The following CFH variants were observed in gnomAD, a reference collection of about 807,000 sequenced individuals.
CFH encodes the protein complement factor H.
In CFH, 53 loss-of-function variants were observed where a neutral mutation model predicts 147.3. That is an observed-to-expected ratio of 0.36 (90% CI 0.29 to 0.45). The LOEUF (loss-of-function observed/expected upper bound fraction) is 0.45, where lower values mean the gene tolerates loss of function less well. Ranked by LOEUF, CFH falls within the 20% of genes least tolerant of loss-of-function variation. The probability of loss-of-function intolerance (pLI) is 1.00; values close to 1 mark genes in which losing one functional copy is unlikely to be tolerated. For missense variants in CFH, 1,380 were observed against 1,498.0 expected (o/e 0.92, Z 1.30); for synonymous variants, 536 against 489.4 (o/e 1.10, Z -1.26).
chr1:196,687,651 C>T (rs1025296248), intron 7 of CFH, among the ~76,000 whole-genome samples: 1 of 151,970 alleles, frequency 6.6e-6, no homozygotes, highest in East Asian at 1.9e-4. Flanking sequence ...AAGACTCAAG[C>T]TTTCCCAATG....
intron 2 of CFH, 135 bp from the exon 3 acceptor site, chr1:196,673,722 G>T: frequency 1.5e-6 from 1 of 688,318 alleles, no homozygotes; most frequent in Non-Finnish European, 2.6e-6. Flanking sequence ...TGAAATAATG[G>T]CTTTGCTATG....
chr1:196,663,943 C>T (rs1483827204), intron 1 of CFH, among the ~76,000 whole-genome samples: 1 of 152,122 alleles, frequency 6.6e-6, no homozygotes, highest in Non-Finnish European at 1.5e-5. Flanking sequence ...AATTGGCTGC[C>T]TGTTTTCCTT....
chr1:196,670,343 AG>A (rs1304411687), intron 1 of CFH, among the ~76,000 whole-genome samples: 1 of 152,098 alleles, frequency 6.6e-6, no homozygotes. Flanking sequence ...GGGAAAGGCA[AG>A]GGGCAGAATA....
intron 9 of CFH, among the ~76,000 whole-genome samples, chr1:196,710,064 ACAC>A (rs1668689518): frequency 2.6e-5 from 4 of 151,988 alleles, no homozygotes; most frequent in Non-Finnish European, 5.9e-5. Context: ...ACACAGACAC[ACAC>A]ATCAGCTGGT....
chr1:196,679,576 C>G, intron 5 of CFH, 47 bp from the exon 6 acceptor site: 1 of 1,367,162 alleles, frequency 7.3e-7, no homozygotes, highest in Non-Finnish European at 1.0e-6. Flanking sequence ...TGGTCACAGT[C>G]CTTTAATTTG....
intron 3 of CFH, among the ~76,000 whole-genome samples, chr1:196,674,695 A>AT (rs1291676305): frequency 3.3e-5 from 5 of 152,160 alleles, no homozygotes; most frequent in Non-Finnish European, 7.4e-5. Flanking sequence ...TTATTTCCCC[A>AT]TTTTTTCCTT....
At chr1:196,708,161 A>C (rs1018532854) in intron 9 of CFH, among the ~76,000 whole-genome samples, 3 of 152,210 alleles carry the variant, frequency 2.0e-5, no homozygotes, top group African/African-American at 7.2e-5. Context: ...CAGGCATAGC[A>C]ACACTGTAGT....
chr1:196,729,820 C>T (rs1335475595), intron 15 of CFH, among the ~76,000 whole-genome samples: 3 of 151,904 alleles, frequency 2.0e-5, no homozygotes, highest in South Asian at 4.1e-4. Context: ...TCGTCGTAGG[C>T]TGTGTGTCTA....
At chr1:196,688,795 G>A (rs993398262) in intron 7 of CFH, among the ~76,000 whole-genome samples, 1 of 151,974 alleles carries the variant, frequency 6.6e-6, no homozygotes, top group Non-Finnish European at 1.5e-5. Context: ...TGTATTTTTA[G>A]TAGAGACGGA....
intron 3 of CFH, among the ~76,000 whole-genome samples, chr1:196,674,406 T>G (rs1258899500): frequency 6.6e-6 from 1 of 152,124 alleles, no homozygotes; most frequent in Non-Finnish European, 1.5e-5. Context: ...ACAACTAAGG[T>G]TACTTAATGT....
chr1:196,675,620 A>G (rs796679717), intron 3 of CFH, among the ~76,000 whole-genome samples: 5 of 152,280 alleles, frequency 3.3e-5, no homozygotes, highest in African/African-American at 1.2e-4. Context: ...TAATTAGATA[A>G]TTCAATGAAA....
intron 11 of CFH, among the ~76,000 whole-genome samples, chr1:196,719,433 G>C (rs1668946827): frequency 6.6e-6 from 1 of 151,866 alleles, no homozygotes; most frequent in Non-Finnish European, 1.5e-5. Flanking sequence ...ATTCAAGTGT[G>C]ATTTTCTCAA....
At position 196,697,982 on chromosome 1, in the gene CFH, C is replaced by G. The variant is rs1159217208; in HGVS notation, c.1336+7743C>G. Among the ~76,000 whole-genome samples the G allele has an allele frequency of 2.4e-5, 3 of 123,972 alleles. No homozygotes were observed. The East Asian group carries it at 7.1e-4, about 29-fold the overall frequency. 81.3% of individuals were successfully genotyped at this position (123,972 alleles called of 152,430 possible). ...GAACACATGGACACAGGAAGGGGAA[C>G]ATCACACACCGGGGCCTGTTGTGGG... On this transcript the variant is annotated intron_variant, in intron 9 of 21. Coordinates refer to ENST00000367429, the MANE Select transcript of CFH (RefSeq NM_000186.4).
intron 15 of CFH, 46 bp from the exon 16 acceptor site, chr1:196,736,778 T>C: frequency 1.0e-6 from 1 of 970,970 alleles, no homozygotes. Flanking sequence ...TATTTTTATT[T>C]TTTATTTTTT....
At chr1:196,680,280 C>G (rs866744990) in intron 6 of CFH, among the ~76,000 whole-genome samples, 2 of 148,314 alleles carry the variant, frequency 1.3e-5, no homozygotes, top group South Asian at 2.1e-4. Flanking sequence ...CCCAGTATGA[C>G]TCAACGGTGA....
At position 196,725,141 on chromosome 1, in the gene CFH, A is replaced by G; in HGVS notation, c.1717A>G (p.Lys573Glu). Residue 573 changes from lysine (K) to glutamate (E), a missense_variant, in exon 12 of 22, where the codon AAA (lysine) becomes GAA (glutamate). Transcript: ENST00000367429. ...TCAAGAAAGAGAATGCGAACTTCCT[A>G]AAATAGATGTACACTTAGTTCCTGA... ...ICYERECELPKIDVHLVPDRK... is the reference protein window; with the variant it reads ...ICYERECELPEIDVHLVPDRK... 1.2e-6 allele frequency: 2 copies of G among 1,613,436 alleles called. No individual in the cohort carries two copies. The highest frequency in any genetic ancestry group is 1.7e-6 in the Non-Finnish European group (2 of 1,179,584).
chr1:196,658,407 A>ATTTTTTTTTTTTTTTTTTTTTTTTTT lies in CFH; in HGVS notation c.58+6254_58+6255insTTTTTTTTTTTTTTTTTTTTTTTTTT, dbSNP rs549213437. On this transcript the variant is annotated intron_variant, in intron 1 of 21. Coordinates refer to ENST00000367429, the MANE Select transcript of CFH (RefSeq NM_000186.4). Reference sequence around the variant, plus strand: ...GGATTACAGCCACCTTGCTCAGGTAATTTTTTTTTTTTTTTTTTTTTTGAG... The same window carrying ATTTTTTTTTTTTTTTTTTTTTTTTTT: ...GGATTACAGCCACCTTGCTCAGGTAATTTTTTTTTTTTTTTTTTTTTTTTTTTTTTTTTTTTTTTTTTTTTTTTGAG... Among the ~76,000 whole-genome samples, 17 of 92,254 alleles carry ATTTTTTTTTTTTTTTTTTTTTTTTTT rather than the reference A, an allele frequency of 1.8e-4. 1 individual carries two copies. Among genetic ancestry groups the ATTTTTTTTTTTTTTTTTTTTTTTTTT allele is most frequent in the African/African-American group, 5.2e-4 (10 of 19,104 alleles). The allele number at this position is 92,254 out of a possible 152,430, so 60.5% of individuals were successfully genotyped here.
intron 20 of CFH, among the ~76,000 whole-genome samples, chr1:196,745,023 G>A (rs780415274): frequency 5.9e-5 from 9 of 152,104 alleles, no homozygotes; most frequent in Non-Finnish European, 1.2e-4. Flanking sequence ...GGTTATAGAT[G>A]AAAAACTCAG....
intron 9 of CFH, chr1:196,692,308 A>G (rs917136656): frequency 7.1e-6 from 3 of 420,012 alleles, no homozygotes; most frequent in African/African-American, 6.4e-5. Flanking sequence ...TTTTTGCTTC[A>G]TCAGTCTCTT....
Sources: allele counts gnomAD v4.1 joint callset (sites outside exome capture counted in the v4.1 genomes callset), GRCh38; gene constraint gnomAD v4.1.1; transcripts MANE v1.5; gene names NCBI Gene and HGNC (gene_info 2026-07-23, HGNC 2026-07-21).